The following SLC15A1 variants were observed in gnomAD, a reference collection of about 807,000 sequenced individuals.
SLC15A1 encodes the protein solute carrier family 15 member 1, also known as Caco-2 oligopeptide transporter.
SLC15A1 carries 83 observed loss-of-function variants against 92.9 expected under a neutral mutation model. The observed-to-expected ratio is 0.89, with a 90% CI of 0.75 to 1.07. SLC15A1 has a LOEUF of 1.07. Ranked by LOEUF, SLC15A1 falls within the 50% of genes least tolerant of loss-of-function variation. The pLI is 0.00. For synonymous variants in SLC15A1, 322 were observed against 318.2 expected, an observed-to-expected ratio of 1.01 and a Z score of -0.13; for missense variants, 857 against 880.1, an observed-to-expected ratio of 0.97 and a Z score of 0.33.
intron 18 of SLC15A1, among the ~76,000 whole-genome samples, chr13:98,697,409 G>A (rs1205329457): frequency 6.6e-6 from 1 of 152,044 alleles, no homozygotes; most frequent in Non-Finnish European, 1.5e-5. Flanking sequence ...TTTTGTCATG[G>A]CAGCCCTACT....
intron 18 of SLC15A1, among the ~76,000 whole-genome samples, chr13:98,695,498 T>C (rs2088014862): frequency 6.6e-6 from 1 of 152,144 alleles, no homozygotes; most frequent in South Asian, 2.1e-4. Flanking sequence ...GTTCAAGTGA[T>C]TCTCTTGCCT....
chr13:98,725,715 GGTTT>G (rs2088292756), intron 4 of SLC15A1, among the ~76,000 whole-genome samples: 1 of 152,052 alleles, frequency 6.6e-6, no homozygotes, highest in African/African-American at 2.4e-5. Flanking sequence ...CTCTCCTAAG[GGTTT>G]GTTTCTGTTT....
At chr13:98,702,926 C>T (rs1213445864) in intron 17 of SLC15A1, among the ~76,000 whole-genome samples, 2 of 136,518 alleles carry the variant, frequency 1.5e-5, no homozygotes, top group African/African-American at 5.5e-5. Flanking sequence ...TGTGACCATG[C>T]CACTGCACTC....
At chr13:98,701,957 G>A (rs9584914) in intron 18 of SLC15A1, among the ~76,000 whole-genome samples, 16,358 of 152,046 alleles carry the variant, frequency 0.11, 1,071 homozygotes, top group African/African-American at 0.17. Flanking sequence ...TTACAGGTGT[G>A]AGCCACCACA....
At chr13:98,709,982 G>T in intron 11 of SLC15A1, 71 bp from the exon 12 acceptor site, 1 of 1,434,860 alleles carries the variant, frequency 7.0e-7, no homozygotes, top group Non-Finnish European at 9.8e-7. Flanking sequence ...TCAATGGTGA[G>T]TCTTTTCCAA....
At chr13:98,707,887 T>A (rs1241746901) in intron 15 of SLC15A1, among the ~76,000 whole-genome samples, 1 of 95,468 alleles carries the variant, frequency 1.0e-5, no homozygotes, top group Non-Finnish European at 1.7e-5. Flanking sequence ...AGTGAGACCC[T>A]GTTTAAAAAA....
At chr13:98,745,380 G>A (rs2088484317) in intron 1 of SLC15A1, among the ~76,000 whole-genome samples, 1 of 152,148 alleles carries the variant, frequency 6.6e-6, no homozygotes, top group Non-Finnish European at 1.5e-5. Flanking sequence ...ACCATGTCGG[G>A]GTGTCGAATA....
chr13:98,721,804 C>A lies in SLC15A1; in HGVS notation c.465G>T (p.Gln155His), dbSNP rs1349960578. 1 of 1,613,814 alleles carries A rather than the reference C, an allele frequency of 6.2e-7. No individual in the cohort carries two copies. The highest frequency in any genetic ancestry group is 8.5e-7 in the Non-Finnish European group (1 of 1,179,862). Residue 155 changes from glutamine to histidine, a missense_variant and splice_region_variant, in exon 6 of 23, where the codon CAG becomes CAT. Coordinates refer to ENST00000376503, the MANE Select transcript of SLC15A1 (RefSeq NM_005073.4). ...GCTCTGGGGAGGCCCCTACCCTTACCTGGCCCTCTTCAAACTGATCTCCAC... is the reference window on the plus strand; with the variant it reads ...GCTCTGGGGAGGCCCCTACCCTTACATGGCCCTCTTCAAACTGATCTCCAC... ...AFGGDQFEEG[Q>H]EKQRNRFFSI...
At chr13:98,689,688 G>A (rs1298098062) in intron 18 of SLC15A1, among the ~76,000 whole-genome samples, 2 of 152,142 alleles carry the variant, frequency 1.3e-5, no homozygotes, top group African/African-American at 4.8e-5. Flanking sequence ...GGCCTCAAGA[G>A]ATCCTCCCTC....
chr13:98,690,660 C>A (rs1199338530), intron 18 of SLC15A1, among the ~76,000 whole-genome samples: 2 of 152,108 alleles, frequency 1.3e-5, no homozygotes, highest in Non-Finnish European at 2.9e-5. Context: ...CTGGGAAATG[C>A]GTCCGGAGGC....
Position 98,722,236 on chromosome 13 carries a change from A to C in SLC15A1, c.366-333T>G, listed in dbSNP as rs72650311. 6.6e-3 allele frequency among the ~76,000 whole-genome samples: 1,010 copies of C among 152,362 alleles called. 5 individuals carry two copies. The highest frequency in any genetic ancestry group is 0.01 in the Admixed American group (157 of 15,304). On this transcript the variant is annotated intron_variant, in intron 5 of 22. Transcript: ENST00000376503. ...ATAAATGAAATGTTATTGAACAAAT[A>C]TAAGCATTGTGCCTGGTACAGTCAT...
At chr13:98,722,439 T>G (rs74775158) in intron 5 of SLC15A1, among the ~76,000 whole-genome samples, 3 of 152,040 alleles carry the variant, frequency 2.0e-5, no homozygotes, top group Admixed American at 2.0e-4. Flanking sequence ...TTTAATTTAC[T>G]CTTGTATTTT....
chr13:98,730,231 G>A (rs1220674684), intron 1 of SLC15A1, among the ~76,000 whole-genome samples: 3 of 77,550 alleles, frequency 3.9e-5, no homozygotes, highest in African/African-American at 1.7e-4. Flanking sequence ...GAAGGGAAGG[G>A]GAAGGGAAGG....
intron 1 of SLC15A1, among the ~76,000 whole-genome samples, chr13:98,733,127 A>T (rs1816096585): frequency 6.6e-6 from 1 of 152,144 alleles, no homozygotes; most frequent in South Asian, 2.1e-4. Flanking sequence ...GGAAAAGACA[A>T]GTAGGGTTCT....
intron 1 of SLC15A1, among the ~76,000 whole-genome samples, chr13:98,739,524 T>C (rs1445620916): frequency 1.3e-5 from 2 of 152,110 alleles, no homozygotes; most frequent in East Asian, 1.9e-4. Flanking sequence ...CAATAGTGAG[T>C]TCTCATGAGA....
chr13:98,720,847 G>A (rs9517419), intron 7 of SLC15A1: 1 of 314,834 alleles, frequency 3.2e-6, no homozygotes, highest in South Asian at 2.9e-5. Flanking sequence ...GCAGGAGATC[G>A]AGACCATCCT....
chr13:98,741,955 A>C (rs1371908246), intron 1 of SLC15A1, among the ~76,000 whole-genome samples: 1 of 152,230 alleles, frequency 6.6e-6, no homozygotes, highest in Non-Finnish European at 1.5e-5. Flanking sequence ...CATGTGGGGA[A>C]ACTGGTGCTG....
rs1033369254 is a variant in SLC15A1 at position 98,724,088 on chromosome 13, T to G, written c.246-57A>C. The G allele has an allele frequency of 2.2e-5, 35 of 1,602,196 alleles. No individual in the cohort carries two copies. In the Admixed American group the frequency reaches 4.9e-4, roughly 22 times the overall value. ...TAATTGCACAATAGCCATCCACTTT[T>G]GACTCCACCACAAAAGACCCCCTCC... On this transcript the variant is annotated intron_variant, in intron 4 of 22. Transcript: ENST00000376503.
chr13:98,710,913 C>T (rs1383534174), intron 11 of SLC15A1, among the ~76,000 whole-genome samples: 2 of 151,996 alleles, frequency 1.3e-5, no homozygotes, highest in African/African-American at 4.8e-5. Flanking sequence ...ACCCTCACAG[C>T]CTTGCGGAGG....
Sources: allele counts gnomAD v4.1 joint callset (sites outside exome capture counted in the v4.1 genomes callset), GRCh38; gene constraint gnomAD v4.1.1; transcripts MANE v1.5; gene names NCBI Gene and HGNC (gene_info 2026-07-23, HGNC 2026-07-21).